The following VSX2 variants were observed in gnomAD, a reference collection of about 807,000 sequenced individuals.
The protein encoded by VSX2 is ceh-10 homeo domain containing homolog.
VSX2 carries 28 observed loss-of-function variants against 32.1 expected under a neutral mutation model. That is an observed-to-expected ratio of 0.87 (90% CI 0.65 to 1.20). The LOEUF (loss-of-function observed/expected upper bound fraction) is 1.20, where lower values mean the gene tolerates loss of function less well. Ranked by LOEUF, VSX2 falls within the 50% of genes most tolerant of loss-of-function variation. VSX2 has a pLI of 0.00. For synonymous variants in VSX2, 243 were observed against 214.1 expected (o/e 1.14, Z -1.18); for missense variants, 506 against 488.7 (o/e 1.04, Z -0.33).
intron 3 of VSX2, among the ~76,000 whole-genome samples, chr14:74,248,680 G>A (rs140488649): frequency 3.4e-5 from 5 of 145,894 alleles, no homozygotes; most frequent in African/African-American, 1.3e-4. Context: ...GACAGAGTGA[G>A]ACTCTGTCTC....
At chr14:74,242,108 G>A (rs2079154196) in intron 2 of VSX2, among the ~76,000 whole-genome samples, 1 of 134,698 alleles carries the variant, frequency 7.4e-6, no homozygotes, top group Non-Finnish European at 1.5e-5. Context: ...CAGTTCCTTG[G>A]GTACATTTGT....
In VSX2 at chr14:74,239,805, G is replaced by A. The variant is rs375294678; in HGVS notation, c.244G>A (p.Gly82Arg). ...GGGCGGCATGGGGCTTCTGGGGCCC[G>A]GGGGGCTCCCTGGCTTCTACACGCA... ...GVGGMGLLGP[G>R]GLPGFYTQPT... The change falls in exon 1 of 5, where the codon GGG (glycine) becomes AGG (arginine). Residue 82 changes from glycine to arginine, a missense_variant. Transcript: ENST00000261980. 3.1e-4 allele frequency: 480 copies of A among 1,569,412 alleles called. 1 individual carries two copies. The highest frequency in any genetic ancestry group is 4.0e-4 in the Non-Finnish European group (463 of 1,158,760).
chr14:74,258,478 G>T (rs1566888055), intron 3 of VSX2, among the ~76,000 whole-genome samples: 1 of 152,072 alleles, frequency 6.6e-6, no homozygotes, highest in African/African-American at 2.4e-5. Flanking sequence ...TCCCAAGCCC[G>T]CCTCGGTCCT....
At chr14:74,242,203 C>A (rs1421323109) in intron 2 of VSX2, among the ~76,000 whole-genome samples, 2 of 152,112 alleles carry the variant, frequency 1.3e-5, no homozygotes. Context: ...GCTGCCCCGG[C>A]GCTCACCTCG....
chr14:74,256,597 T>C (rs1056722992), intron 3 of VSX2, among the ~76,000 whole-genome samples: 1 of 151,980 alleles, frequency 6.6e-6, no homozygotes, highest in African/African-American at 2.4e-5. Flanking sequence ...ACACTTGGTG[T>C]CTGGAATTCC....
At chr14:74,241,888 C>T (rs1195923016) in intron 2 of VSX2, among the ~76,000 whole-genome samples, 1 of 152,232 alleles carries the variant, frequency 6.6e-6, no homozygotes, top group Non-Finnish European at 1.5e-5. Context: ...TGGACGGTCC[C>T]ACCAGCCGTA....
intron 4 of VSX2, 54 bp from the exon 5 acceptor site, chr14:74,260,540 A>G: frequency 1.3e-6 from 2 of 1,538,332 alleles, no homozygotes; most frequent in Non-Finnish European, 1.8e-6. Context: ...TTTTCAGTTC[A>G]AGATGGCTTT....
In VSX2 at chr14:74,245,210, C is replaced by A; in HGVS notation, c.501C>A (p.Phe167Leu). 1 of 1,613,682 alleles carries A rather than the reference C, an allele frequency of 6.2e-7. No individual in the cohort carries two copies. Among genetic ancestry groups the A allele is most frequent in the Non-Finnish European group, 8.5e-7 (1 of 1,179,922 alleles). Residue 167 changes from phenylalanine (F) to leucine (L), a missense_variant, in exon 3 of 5, where the codon TTC becomes TTA. By Grantham distance (22) the Phe-to-Leu change is conservative (BLOSUM62 0). Coordinates refer to ENST00000261980, the MANE Select transcript of VSX2 (RefSeq NM_182894.3). ...AGCTAGAGGAGCTGGAGAAGGCATT[C>A]AACGAAGCCCACTACCCAGACGTCT... ...SYQLEELEKAFNEAHYPDVYA... is the reference protein window; with the variant it reads ...SYQLEELEKALNEAHYPDVYA...
chr14:74,239,870 C>G lies in VSX2; in HGVS notation c.309C>G (p.Val103=). The G allele has an allele frequency of 6.3e-7, 1 of 1,575,976 alleles. No individual in the cohort carries two copies. The highest frequency in any genetic ancestry group is 1.3e-5 in the African/African-American group (1 of 74,482). Residue 103 remains valine, a synonymous_variant, in exon 1 of 5, where the codon GTC becomes GTG. Coordinates refer to ENST00000261980, the MANE Select transcript of VSX2 (RefSeq NM_182894.3). ...AAGTGCTGTCCGACCCGCAGAGCGT[C>G]CACTTGCAGCCATTGGGCAGAGCAT... ...FLEVLSDPQS[V]HLQPLGRASG... is the part of the protein sequence containing the mutation.
In VSX2 at chr14:74,243,236, C is replaced by T. The variant is rs555319703; in HGVS notation, c.456-1929C>T. ...AGACTTAAAAGCGTTTGGGGGGTGG[C>T]GTGGGGACAAAGCAGCCACGGTGAG... On this transcript the variant is annotated intron_variant, in intron 2 of 4. Transcript: ENST00000261980. 1.1e-3 allele frequency among the ~76,000 whole-genome samples: 169 copies of T among 152,164 alleles called. 1 individual carries two copies. Among genetic ancestry groups the T allele is most frequent in the South Asian group, 4.1e-4 (2 of 4,820 alleles).
intron 3 of VSX2, among the ~76,000 whole-genome samples, chr14:74,247,564 T>G (rs1367279743): frequency 6.6e-6 from 1 of 152,152 alleles, no homozygotes; most frequent in Non-Finnish European, 1.5e-5. Flanking sequence ...TGAATTTCCT[T>G]TGAGAACTGA....
At chr14:74,244,855 A>G (rs2079173400) in intron 2 of VSX2, among the ~76,000 whole-genome samples, 1 of 126,422 alleles carries the variant, frequency 7.9e-6, no homozygotes, top group Non-Finnish European at 1.8e-5. Context: ...CCGGAGGGTT[A>G]AACTATGAGA....
intron 3 of VSX2, among the ~76,000 whole-genome samples, chr14:74,253,924 C>G (rs539446167): frequency 1.3e-5 from 2 of 151,330 alleles, no homozygotes; most frequent in African/African-American, 4.9e-5. Flanking sequence ...GAGCGAAAAT[C>G]CGTCAAAAAA....
chr14:74,250,705 T>TG (rs111906304), intron 3 of VSX2, among the ~76,000 whole-genome samples: 1 of 63,990 alleles, frequency 1.6e-5, no homozygotes, highest in Non-Finnish European at 6.0e-5. Flanking sequence ...CCAGGGCAGA[T>TG]TTTTTTTTTC....
intron 2 of VSX2, among the ~76,000 whole-genome samples, chr14:74,244,934 G>A (rs1423965770): frequency 7.5e-6 from 1 of 132,990 alleles, no homozygotes; most frequent in African/African-American, 3.0e-5. Flanking sequence ...GTGTGTGAAA[G>A]AGAGAGAGAA....
chr14:74,242,083 C>T (rs561804623), intron 2 of VSX2, among the ~76,000 whole-genome samples: 2 of 150,494 alleles, frequency 1.3e-5, no homozygotes, highest in South Asian at 4.3e-4. Flanking sequence ...CCTTCCGCAC[C>T]AGCCGCACTG....
At chr14:74,254,377 C>T (rs1372874251) in intron 3 of VSX2, among the ~76,000 whole-genome samples, 1 of 151,792 alleles carries the variant, frequency 6.6e-6, no homozygotes, top group Non-Finnish European at 1.5e-5. Flanking sequence ...CGCCAGTGTA[C>T]TCCAGCCTGG....
chr14:74,246,992 G>A (rs1295434615), intron 3 of VSX2, among the ~76,000 whole-genome samples: 1 of 152,068 alleles, frequency 6.6e-6, no homozygotes, highest in African/African-American at 2.4e-5. Flanking sequence ...TGGTATCTGA[G>A]GGCACCAGAA....
In VSX2 at chr14:74,244,943, AAAGTGT is replaced by A. The variant is rs1310233136; in HGVS notation, c.456-221_456-216del. On this transcript the variant is annotated intron_variant, in intron 2 of 4. Transcript: ENST00000261980. ...GTGTGTGTGTGTGAAAGAGAGAGAGAAAGTGTGTGTGTGTGTGTGTGTGTGTGTGTG... is the reference window on the plus strand; with the variant it reads ...GTGTGTGTGTGTGAAAGAGAGAGAGAGTGTGTGTGTGTGTGTGTGTGTGTG... Among the ~76,000 whole-genome samples, 421 of 62,820 alleles carry A rather than the reference AAAGTGT, an allele frequency of 6.7e-3. 2 individuals are homozygous for A. Among genetic ancestry groups the A allele is most frequent in the African/African-American group, 0.013 (218 of 17,068 alleles). 41.2% of individuals were successfully genotyped at this position (62,820 alleles called of 152,430 possible).
Sources: gnomAD v4.1 joint callset for allele counts (sites outside exome capture counted in the v4.1 genomes callset) on GRCh38, gnomAD v4.1.1 for gene constraint, MANE v1.5 for transcripts, NCBI Gene and HGNC (gene_info 2026-07-23, HGNC 2026-07-21) for gene names.